UGT1A8: variants seen among roughly 807,000 people sequenced by gnomAD.
UGT1A8 encodes UDP glucuronosyltransferase family 1 member A8.
Under a neutral mutation model 45.3 loss-of-function variants are expected in UGT1A8, and 39 were observed. The observed-to-expected ratio is 0.86, with a 90% confidence interval of 0.67 to 1.12. The LOEUF is 1.12. Ranked by LOEUF, UGT1A8 falls within the 50% of genes most tolerant of loss-of-function variation. The pLI is 0.00. For missense variants in UGT1A8, 719 were observed against 664.9 expected, an observed-to-expected ratio of 1.08 and a Z score of -0.90; for synonymous variants, 275 against 249.2, an observed-to-expected ratio of 1.10 and a Z score of -0.97.
At chr2:233,717,804 C>G (rs147106885) in intron 1 of UGT1A8, 15 of 456,002 alleles carry the variant, frequency 3.3e-5, no homozygotes, top group African/African-American at 1.6e-4. Context: ...AGTGCCCCCA[C>G]AAATTATGCA....
At chr2:233,627,369 C>T (rs188920574) in intron 1 of UGT1A8, among the ~76,000 whole-genome samples, 4 of 151,970 alleles carry the variant, frequency 2.6e-5, no homozygotes, top group African/African-American at 2.4e-5. Flanking sequence ...AGCAAACCAT[C>T]CTTTGCTGCC....
At chr2:233,636,597 A>T (rs2073296561) in intron 1 of UGT1A8, 1 of 1,614,132 alleles carries the variant, frequency 6.2e-7, no homozygotes, top group Non-Finnish European at 8.5e-7. Context: ...TTGCCGAGGC[A>T]GGGAAGCTGC....
intron 1 of UGT1A8, among the ~76,000 whole-genome samples, chr2:233,650,935 C>G (rs1283179991): frequency 6.6e-6 from 1 of 152,142 alleles, no homozygotes; most frequent in East Asian, 1.9e-4. Flanking sequence ...TGGCTATGTT[C>G]TGGCTTCTTA....
At chr2:233,651,999 A>G (rs1402160818) in intron 1 of UGT1A8, among the ~76,000 whole-genome samples, 2 of 152,238 alleles carry the variant, frequency 1.3e-5, no homozygotes, top group African/African-American at 2.4e-5. Flanking sequence ...ATTAAGAAAA[A>G]AAAAAGGAAT....
rs916203016 is a variant in UGT1A8 at position 233,617,770 on chromosome 2, C to G, written c.63C>G (p.Gly21=). The change falls in exon 1 of 5, where the codon GGC becomes GGG. Residue 21 remains glycine (G), a synonymous_variant. Coordinates refer to ENST00000373450, the MANE Select transcript of UGT1A8 (RefSeq NM_019076.5). ...PLCVSLLLTC[G]FAEAGKLLVV... Reference sequence around the variant, plus strand: ...GTGTTTCTCTGCTGCTGACCTGTGGCTTTGCTGAGGCAGGGAAGCTGCTGG... The same window carrying G: ...GTGTTTCTCTGCTGCTGACCTGTGGGTTTGCTGAGGCAGGGAAGCTGCTGG... 13 of 1,614,012 alleles carry G rather than the reference C, an allele frequency of 8.1e-6. No individual in the cohort carries two copies. Among genetic ancestry groups the G allele is most frequent in the Non-Finnish European group, 1.1e-5 (13 of 1,180,030 alleles).
intron 1 of UGT1A8, chr2:233,682,535 G>A (rs765046704): frequency 4.3e-6 from 7 of 1,613,844 alleles, no homozygotes; most frequent in South Asian, 3.3e-5. Context: ...GTTCTCAGAC[G>A]CCATGACTTT....
intron 1 of UGT1A8, among the ~76,000 whole-genome samples, chr2:233,697,387 A>T (rs2075388301): frequency 6.6e-6 from 1 of 152,000 alleles, no homozygotes; most frequent in Non-Finnish European, 1.5e-5. Context: ...ATAATCGCTA[A>T]TGATCCTTTG....
chr2:233,745,257 G>A (rs1693056252), intron 1 of UGT1A8, among the ~76,000 whole-genome samples: 1 of 151,828 alleles, frequency 6.6e-6, no homozygotes, highest in African/African-American at 2.4e-5. Context: ...AAACCATTAA[G>A]ACTTGCAGGC....
At chr2:233,672,401 T>C (rs943105975) in intron 1 of UGT1A8, 5 of 1,613,984 alleles carry the variant, frequency 3.1e-6, no homozygotes, top group African/African-American at 2.7e-5. Flanking sequence ...TGTGGCTTAA[T>C]TGTTGCCAAA....
chr2:233,736,850 CTGCAGAACAGCAAATAT>C (rs1213146640), intron 1 of UGT1A8, among the ~76,000 whole-genome samples: 4 of 152,338 alleles, frequency 2.6e-5, no homozygotes, highest in African/African-American at 7.2e-5. Flanking sequence ...CCAGTGGAGG[CTGCAGAACAGCAAATAT>C]TGCAGAACAG....
chr2:233,643,385 G>A (rs955728526), intron 1 of UGT1A8, among the ~76,000 whole-genome samples: 1 of 151,922 alleles, frequency 6.6e-6, no homozygotes, highest in African/African-American at 2.4e-5. Flanking sequence ...TTCCCTTAAG[G>A]CCCAAGGTCT....
At chr2:233,643,884 C>A (rs1362920139) in intron 1 of UGT1A8, among the ~76,000 whole-genome samples, 1 of 152,114 alleles carries the variant, frequency 6.6e-6, no homozygotes, top group Non-Finnish European at 1.5e-5. Context: ...TGATTCTGAC[C>A]AGTGCCCTAT....
chr2:233,729,735 C>A, intron 1 of UGT1A8: 1 of 1,614,000 alleles, frequency 6.2e-7, no homozygotes, highest in South Asian at 1.1e-5. Context: ...CCAATTCAGA[C>A]CACATGACAT....
At position 233,653,559 on chromosome 2, in the gene UGT1A8, A is replaced by G. The variant is rs189094926; in HGVS notation, c.855+34997A>G. 2.7e-3 allele frequency among the ~76,000 whole-genome samples: 409 copies of G among 152,328 alleles called. 1 individual carries two copies. The highest frequency in any genetic ancestry group is 9.2e-3 in the African/African-American group (381 of 41,572). ...AAACCTCTATGGGTCACCACCGCATACACAGTTGCTTAAAGTGCCCAAGTC... is the reference window on the plus strand; with the variant it reads ...AAACCTCTATGGGTCACCACCGCATGCACAGTTGCTTAAAGTGCCCAAGTC... On this transcript the variant is annotated intron_variant, in intron 1 of 4. Transcript: ENST00000373450.
chr2:233,713,730 G>C, intron 1 of UGT1A8: 1 of 1,613,910 alleles, frequency 6.2e-7, no homozygotes, highest in South Asian at 1.1e-5. Flanking sequence ...GTCAGTGGTG[G>C]ATCTTGTCAG....
rs373408916 is a variant in UGT1A8, at chr2:233,682,060, G to A, written c.855+63498G>A. 166 of 1,614,026 alleles carry A rather than the reference G, an allele frequency of 1.0e-4. No homozygotes were observed. The highest frequency in any genetic ancestry group is 1.3e-4 in the Non-Finnish European group (156 of 1,180,024). On this transcript the variant is annotated intron_variant, in intron 1 of 4. Coordinates refer to ENST00000373450, the MANE Select transcript of UGT1A8 (RefSeq NM_019076.5). The stretch of plus-strand genomic sequence containing the variant: ...TGGATGGGAGCCACTGGTTCACCAT[G>A]CAGTCGGTGGTGGAGAAACTCATCC...
intron 1 of UGT1A8, among the ~76,000 whole-genome samples, chr2:233,628,905 G>A (rs2073139470): frequency 6.6e-6 from 1 of 151,728 alleles, no homozygotes; most frequent in South Asian, 2.1e-4. Flanking sequence ...TATTTATATG[G>A]TATGTTACTT....
At chr2:233,725,887 G>A (rs1228393532) in intron 1 of UGT1A8, among the ~76,000 whole-genome samples, 1 of 152,022 alleles carries the variant, frequency 6.6e-6, no homozygotes, top group Non-Finnish European at 1.5e-5. Context: ...TGATTTGTAG[G>A]CAGGTGGGTG....
At position 233,675,517 on chromosome 2, in the gene UGT1A8, T is replaced by G. The variant is rs190791016; in HGVS notation, c.855+56955T>G. On this transcript the variant is annotated intron_variant, in intron 1 of 4. Coordinates refer to ENST00000373450, the MANE Select transcript of UGT1A8 (RefSeq NM_019076.5). The stretch of plus-strand genomic sequence containing the variant: ...GATATGGTTACAGATAAATAAGAGA[T>G]CTGTGCTTCCCCCCTTGCTGTAAGA... Among the ~76,000 whole-genome samples the G allele has an allele frequency of 9.2e-5, 14 of 152,240 alleles. No individual in the cohort carries two copies. In the East Asian group the frequency reaches 2.7e-3, roughly 29 times the overall value.
Sources: gnomAD v4.1 joint callset for allele counts (sites outside exome capture counted in the v4.1 genomes callset) on GRCh38, gnomAD v4.1.1 for gene constraint, MANE v1.5 for transcripts, NCBI Gene and HGNC (gene_info 2026-07-23, HGNC 2026-07-21) for gene names.